ADAMTS6: variants seen among roughly 807,000 people sequenced by gnomAD.
The protein encoded by ADAMTS6 is ADAM metallopeptidase with thrombospondin type 1 motif 6.
Under a neutral mutation model 144.3 loss-of-function variants are expected in ADAMTS6, and 23 were observed. The ratio of observed to expected loss-of-function variants is 0.16; its 90% CI spans 0.11 to 0.23. The LOEUF is 0.23. Among genes scored for constraint, ADAMTS6 ranks in the 10% least tolerant of loss-of-function variants. The pLI is 1.00. For synonymous variants in ADAMTS6, 444 were observed against 457.5 expected, an observed-to-expected ratio of 0.97 and a Z score of 0.38; for missense variants, 999 against 1,379.6, an observed-to-expected ratio of 0.72 and a Z score of 4.37.
At chr5:65,370,031 AC>A (rs1750699558) in intron 7 of ADAMTS6, among the ~76,000 whole-genome samples, 1 of 152,174 alleles carries the variant, frequency 6.6e-6, no homozygotes, top group African/African-American at 2.4e-5. Context: ...TTACATGGAA[AC>A]CAAATGAACA....
intron 24 of ADAMTS6, among the ~76,000 whole-genome samples, chr5:65,160,808 A>G (rs1752724566): frequency 6.6e-6 from 1 of 151,010 alleles, no homozygotes; most frequent in Non-Finnish European, 1.5e-5. Context: ...ATGTGCCACC[A>G]TGCCCGGATA....
intron 9 of ADAMTS6, among the ~76,000 whole-genome samples, chr5:65,327,287 G>A (rs997320233): frequency 7.9e-5 from 12 of 152,048 alleles, no homozygotes; most frequent in African/African-American, 2.4e-4. Context: ...CAAATAAACC[G>A]CTTTTTAAAA....
In ADAMTS6 at chr5:65,198,895, T is replaced by A. The variant is rs555377498; in HGVS notation, c.2576-1744A>T. The A allele has an allele frequency of 2.6e-5, 4 of 152,332 alleles. No homozygotes were observed. The South Asian group carries it at 8.3e-4, about 32-fold the overall frequency. The allele number at this position is 152,332 out of a possible 1,614,324, so 9.4% of individuals were successfully genotyped here. On this transcript the variant is annotated intron_variant, in intron 20 of 24. Transcript: ENST00000381055. ...AGGGAAGAATGATTCACATCAGGCA[T>A]AGTTGTGATCCATTCACAGATGTTC...
At chr5:65,262,385 C>A (rs562862556) in intron 13 of ADAMTS6, among the ~76,000 whole-genome samples, 2 of 152,242 alleles carry the variant, frequency 1.3e-5, no homozygotes, top group South Asian at 4.2e-4. Context: ...GCATTTCAAC[C>A]CTTGAAGTGC....
chr5:65,423,276 T>C (rs562847327), intron 7 of ADAMTS6, among the ~76,000 whole-genome samples: 46 of 152,254 alleles, frequency 3.0e-4, no homozygotes, highest in Non-Finnish European at 4.3e-4. Context: ...CCTATACAGT[T>C]CATCCATGTA....
chr5:65,334,074 C>A lies in ADAMTS6; in HGVS notation c.1085G>T (p.Cys362Phe). The A allele has an allele frequency of 6.9e-7, 1 of 1,453,086 alleles. No individual in the cohort carries two copies. The allele number at this position is 1,453,086 out of a possible 1,614,324, so 90.0% of individuals were successfully genotyped here. A position where few individuals can be genotyped will look rare whatever the true frequency, so the allele number is the denominator to read the frequency against. Residue 362 changes from cysteine (C) to phenylalanine (F), a missense_variant, in exon 8 of 25, where the codon TGC (cysteine) becomes TTC (phenylalanine). Around this residue, in one of 3 missense-constraint regions of ADAMTS6, gnomAD observed 128 missense variants for 249.0 expected, o/e 0.51. Transcript: ENST00000381055. ...TCCACAGGGCTTATTTTTATAAGTG[C>A]AGATATCATATCTATGGAGAAAACA... ...NAVLITRYDI[C>F]TYKNKPCGTL...
At chr5:65,329,563 T>C in intron 8 of ADAMTS6, 80 bp from the exon 9 acceptor site, 1 of 1,227,484 alleles carries the variant, frequency 8.1e-7, no homozygotes. Context: ...AATGCCTGGA[T>C]TCTTTTTAAT....
At chr5:65,172,285 G>A (rs1408145189) in intron 23 of ADAMTS6, among the ~76,000 whole-genome samples, 1 of 150,398 alleles carries the variant, frequency 6.6e-6, no homozygotes, top group Non-Finnish European at 1.5e-5. Context: ...GTAGTGGCAG[G>A]CACCTGTAGT....
chr5:65,324,853 C>T (rs1261605999), intron 9 of ADAMTS6, among the ~76,000 whole-genome samples: 1 of 152,102 alleles, frequency 6.6e-6, no homozygotes, highest in Non-Finnish European at 1.5e-5. Context: ...TGAAAGCTTA[C>T]ATCAGTACAA....
At chr5:65,325,746 G>A (rs1333053000) in intron 9 of ADAMTS6, among the ~76,000 whole-genome samples, 1 of 152,018 alleles carries the variant, frequency 6.6e-6, no homozygotes, top group Non-Finnish European at 1.5e-5. Flanking sequence ...CTCCACCTTG[G>A]CCTCTCAAAA....
At chr5:65,250,482 T>C (rs1215797971) in intron 14 of ADAMTS6, among the ~76,000 whole-genome samples, 2 of 152,200 alleles carry the variant, frequency 1.3e-5, no homozygotes, top group Admixed American at 6.5e-5. Flanking sequence ...TGCTGAATAA[T>C]ATACTCCTCT....
At chr5:65,257,669 T>C (rs1045281436) in intron 14 of ADAMTS6, among the ~76,000 whole-genome samples, 1 of 152,236 alleles carries the variant, frequency 6.6e-6, no homozygotes, top group Non-Finnish European at 1.5e-5. Flanking sequence ...AAGATCACAC[T>C]TCTTAGCCTC....
chr5:65,246,248 T>C (rs1759623725), intron 14 of ADAMTS6, among the ~76,000 whole-genome samples: 1 of 152,200 alleles, frequency 6.6e-6, no homozygotes, highest in Non-Finnish European at 1.5e-5. Flanking sequence ...AATCTTACCC[T>C]AAACTGAAAG....
At chr5:65,276,013 GCGA>G (rs1762503879) in intron 11 of ADAMTS6, among the ~76,000 whole-genome samples, 2 of 144,804 alleles carry the variant, frequency 1.4e-5, no homozygotes, top group African/African-American at 5.1e-5. Flanking sequence ...ACAAAACTAA[GCGA>G]TGAAAGTTCT....
rs1759562269 is a variant in ADAMTS6, at chr5:65,460,452, A to G, written c.463-114T>C. The G allele has an allele frequency of 7.4e-6, 7 of 940,486 alleles. No individual in the cohort carries two copies. The Middle Eastern group carries it at 2.1e-3, about 276-fold the overall frequency. The allele number at this position is 940,486 out of a possible 1,614,324, so 58.3% of individuals were successfully genotyped here. On this transcript the variant is annotated intron_variant, in intron 3 of 24. Coordinates refer to ENST00000381055, the MANE Select transcript of ADAMTS6 (RefSeq NM_197941.4). ...ACTTCTCCATTTACAGGGTTAAAAC[A>G]CGTTAATAAAAAAATTAGCGAATTA...
chr5:65,349,941 C>A (rs1027233328), intron 7 of ADAMTS6, among the ~76,000 whole-genome samples: 2 of 151,968 alleles, frequency 1.3e-5, no homozygotes, highest in African/African-American at 2.4e-5. Context: ...AAACAGAATT[C>A]ATTGTAACTT....
At chr5:65,235,749 G>C (rs187215257) in intron 15 of ADAMTS6, among the ~76,000 whole-genome samples, 2 of 152,234 alleles carry the variant, frequency 1.3e-5, no homozygotes, top group East Asian at 3.9e-4. Context: ...CCTTGTGATC[G>C]TGTGAACTAA....
In ADAMTS6 at chr5:65,168,207, T is replaced by A. The variant is rs1753329220; in HGVS notation, c.3244+2410A>T. Among the ~76,000 whole-genome samples the A allele has an allele frequency of 1.4e-5, 2 of 145,244 alleles. 1 individual carries two copies. The highest frequency in any genetic ancestry group is 4.5e-4 in the South Asian group (2 of 4,476). On this transcript the variant is annotated intron_variant, in intron 24 of 24. Transcript: ENST00000381055. ...AAAGTCTCAGGATACAAAATCAATG[T>A]ACAAAAATCACAAGCATTCCTATAC...
At chr5:65,197,450 CAAACA>C (rs1000272345) in intron 20 of ADAMTS6, among the ~76,000 whole-genome samples, 4 of 152,104 alleles carry the variant, frequency 2.6e-5, no homozygotes, top group African/African-American at 4.8e-5. Flanking sequence ...CCTTAACAAA[CAAACA>C]AAACAACAGA....
Sources: allele counts gnomAD v4.1 joint callset (sites outside exome capture counted in the v4.1 genomes callset), GRCh38; gene constraint gnomAD v4.1.1; regional missense constraint gnomAD v4.1.1; transcripts MANE v1.5; gene names NCBI Gene and HGNC (gene_info 2026-07-23, HGNC 2026-07-21).